The following RNF152 variants were observed in gnomAD, a reference collection of about 807,000 sequenced individuals.
RNF152 encodes ring finger protein 152.
In RNF152, 11 loss-of-function variants were observed where a neutral mutation model predicts 12.7. The ratio of observed to expected loss-of-function variants is 0.86; its 90% confidence interval spans 0.54 to 1.43. The LOEUF (loss-of-function observed/expected upper bound fraction) is 1.43, where lower values mean the gene tolerates loss of function less well. Among genes scored for constraint, RNF152 ranks in the 40% most tolerant of loss-of-function variants. RNF152 has a pLI of 0.00. For synonymous variants in RNF152, 113 were observed against 120.3 expected, an observed-to-expected ratio of 0.94 and a Z score of 0.40; for missense variants, 255 against 274.8, an observed-to-expected ratio of 0.93 and a Z score of 0.51.
chr18:61,836,487 A>G (rs985018692), intron 1 of RNF152, among the ~76,000 whole-genome samples: 5 of 152,162 alleles, frequency 3.3e-5, no homozygotes, highest in African/African-American at 1.2e-4. Flanking sequence ...AAGAAGAAGA[A>G]AAGATCAGTG....
rs545754347 is a variant in RNF152 at position 61,814,808 on chromosome 18, G to A, written c.*1044C>T. 1 of 152,276 alleles carries A rather than the reference G, an allele frequency of 6.6e-6. No individual in the cohort carries two copies. The highest frequency in any genetic ancestry group is 6.5e-5 in the Admixed American group (1 of 15,302). 9.4% of individuals were successfully genotyped at this position (152,276 alleles called of 1,614,324 possible). On this transcript the variant is annotated 3_prime_UTR_variant, in exon 2 of 2. Transcript: ENST00000312828. ...GGCCAGTGCAAGACTCCAAAACCAG[G>A]AGAAAAGACACTCTTCTGTTACTCT...
chr18:61,867,793 A>G (rs987732861), intron 1 of RNF152, among the ~76,000 whole-genome samples: 7 of 152,328 alleles, frequency 4.6e-5, no homozygotes, highest in African/African-American at 1.7e-4. Flanking sequence ...AATTCACAGT[A>G]ATCATTTAAA....
intron 1 of RNF152, among the ~76,000 whole-genome samples, chr18:61,850,827 G>A (rs1910937857): frequency 6.6e-6 from 1 of 152,106 alleles, no homozygotes; most frequent in South Asian, 2.1e-4. Context: ...GCCTCCCCCT[G>A]AGCACTTCAC....
rs1429626753 is a variant in RNF152 at position 61,808,647 on chromosome 18, T to C, written c.*7205A>G. ...AACCAGCTTCTACACCCATGACTGT[T>C]GAGTGAGGCAAACACAAACAAGTGG... is the stretch of plus-strand genomic sequence containing the variant. On this transcript the variant is annotated 3_prime_UTR_variant, in exon 2 of 2. Coordinates refer to ENST00000312828, the MANE Select transcript of RNF152 (RefSeq NM_173557.3). 1.3e-5 allele frequency: 2 copies of C among 152,090 alleles called. No homozygotes were observed. Among genetic ancestry groups the C allele is most frequent in the Non-Finnish European group, 2.9e-5 (2 of 68,000 alleles). 9.4% of individuals were successfully genotyped at this position (152,090 alleles called of 1,614,324 possible).
chr18:61,877,975 G>A (rs1029897684), intron 1 of RNF152, among the ~76,000 whole-genome samples: 5 of 152,144 alleles, frequency 3.3e-5, no homozygotes, highest in Admixed American at 1.3e-4. Flanking sequence ...GCTCCACAAG[G>A]TCTCTTAGGA....
intron 1 of RNF152, among the ~76,000 whole-genome samples, chr18:61,892,206 A>G (rs905554941): frequency 7.2e-5 from 11 of 152,278 alleles, no homozygotes; most frequent in Non-Finnish European, 4.4e-5. Context: ...AACTTCACTC[A>G]AGCTGTTTTC....
At chr18:61,831,906 T>A (rs570423763) in intron 1 of RNF152, among the ~76,000 whole-genome samples, 204 of 137,332 alleles carry the variant, frequency 1.5e-3, no homozygotes, top group African/African-American at 5.0e-3. Context: ...ATATTATAAA[T>A]ATAGTATTAT....
intron 1 of RNF152, among the ~76,000 whole-genome samples, chr18:61,847,580 A>C (rs745323551): frequency 1.3e-5 from 2 of 152,198 alleles, no homozygotes; most frequent in African/African-American, 4.8e-5. Flanking sequence ...GTAAACATTT[A>C]TTTTTCTTAA....
At chr18:61,853,258 T>C (rs1911067702) in intron 1 of RNF152, among the ~76,000 whole-genome samples, 1 of 152,018 alleles carries the variant, frequency 6.6e-6, no homozygotes, top group South Asian at 2.1e-4. Flanking sequence ...GAGCTGTTTC[T>C]TTCTGGGGGC....
intron 1 of RNF152, among the ~76,000 whole-genome samples, chr18:61,861,449 C>G (rs901767322): frequency 1.3e-5 from 2 of 152,132 alleles, no homozygotes; most frequent in African/African-American, 4.8e-5. Flanking sequence ...GTGTACTGGG[C>G]TACACCACCT....
chr18:61,879,716 C>G (rs1381369052), intron 1 of RNF152, among the ~76,000 whole-genome samples: 1 of 152,130 alleles, frequency 6.6e-6, no homozygotes, highest in African/African-American at 2.4e-5. Flanking sequence ...GTAATCCCAG[C>G]ACTTTGGGAG....
chr18:61,850,398 T>G (rs1056787136), intron 1 of RNF152, among the ~76,000 whole-genome samples: 1 of 152,242 alleles, frequency 6.6e-6, no homozygotes, highest in Non-Finnish European at 1.5e-5. Flanking sequence ...TTAAGTGAAA[T>G]AGGTGACAAA....
In RNF152 at chr18:61,816,306, C is replaced by G; in HGVS notation, c.158G>C (p.Trp53Ser). 1 of 1,614,206 alleles carries G rather than the reference C, an allele frequency of 6.2e-7. No individual in the cohort carries two copies. The highest frequency in any genetic ancestry group is 8.5e-7 in the Non-Finnish European group (1 of 1,180,032). ...RTSQKDVRCP[W>S]CRGVTKLPPG... ...AGGCAGCTTGGTGACACCGCGGCAC[C>G]AGGGGCACCGCACATCCTTCTGGCT... Residue 53 changes from tryptophan to serine, a missense_variant, in exon 2 of 2, where the codon TGG becomes TCG. Transcript: ENST00000312828.
chr18:61,838,406 C>T (rs774578850), intron 1 of RNF152, among the ~76,000 whole-genome samples: 22 of 152,318 alleles, frequency 1.4e-4, no homozygotes, highest in Admixed American at 2.0e-4. Context: ...TAACCAGAGA[C>T]GGAGGAGTCA....
intron 1 of RNF152, among the ~76,000 whole-genome samples, chr18:61,843,126 G>A (rs1030994164): frequency 1.3e-5 from 2 of 152,166 alleles, no homozygotes; most frequent in African/African-American, 4.8e-5. Flanking sequence ...TGCTCTGTGG[G>A]AAGGATTTTA....
chr18:61,871,552 G>A (rs1314856059), intron 1 of RNF152, among the ~76,000 whole-genome samples: 3 of 152,120 alleles, frequency 2.0e-5, no homozygotes, highest in Admixed American at 1.3e-4. Context: ...GCCCTCAGCC[G>A]ACCAAATGAA....
At chr18:61,827,713 G>C (rs915024631) in intron 1 of RNF152, among the ~76,000 whole-genome samples, 1 of 152,110 alleles carries the variant, frequency 6.6e-6, no homozygotes, top group Non-Finnish European at 1.5e-5. Context: ...TTCATGGCAC[G>C]AGTTAAGCCT....
At chr18:61,823,818 C>T (rs1423817033) in intron 1 of RNF152, among the ~76,000 whole-genome samples, 1 of 152,236 alleles carries the variant, frequency 6.6e-6, no homozygotes, top group Non-Finnish European at 1.5e-5. Context: ...GCACAGCCCA[C>T]TAGGTCAACT....
intron 1 of RNF152, among the ~76,000 whole-genome samples, chr18:61,841,578 C>T (rs1049215029): frequency 6.6e-6 from 1 of 152,150 alleles, no homozygotes; most frequent in Non-Finnish European, 1.5e-5. Flanking sequence ...GGATTCTTAA[C>T]TTTGGGGGGT....
Sources: allele counts gnomAD v4.1 joint callset (sites outside exome capture counted in the v4.1 genomes callset), GRCh38; gene constraint gnomAD v4.1.1; transcripts MANE v1.5; gene names NCBI Gene and HGNC (gene_info 2026-07-23, HGNC 2026-07-21).